Variants in LONP2 observed in about 807,000 individuals in gnomAD.
The protein encoded by LONP2 is lon protease homolog 2, peroxisomal.
In LONP2, 60 loss-of-function variants were observed where a neutral mutation model predicts 85.6. The observed-to-expected ratio is 0.70, with a 90% CI of 0.57 to 0.87. LONP2 has a LOEUF of 0.87. Ranked by LOEUF, LONP2 falls within the 40% of genes least tolerant of loss-of-function variation. LONP2 has a pLI of 0.00. For synonymous variants in LONP2, 395 were observed against 389.7 expected (o/e 1.01, Z -0.16); for missense variants, 860 against 1,063.5 (o/e 0.81, Z 2.66).
At chr16:48,301,600 A>G (rs1972806265) in intron 10 of LONP2, among the ~76,000 whole-genome samples, 1 of 151,332 alleles carries the variant, frequency 6.6e-6, no homozygotes, top group Non-Finnish European at 1.5e-5. Flanking sequence ...GTGCCACTGC[A>G]CTCCAGCCTG....
intron 6 of LONP2, among the ~76,000 whole-genome samples, chr16:48,265,222 A>G (rs1971965832): frequency 6.6e-6 from 1 of 152,166 alleles, no homozygotes; most frequent in African/African-American, 2.4e-5. Flanking sequence ...TCAGTTTGAT[A>G]TAATTTCACT....
Position 48,245,694 on chromosome 16 carries a change from C to T in LONP2, c.233+1073C>T, listed in dbSNP as rs571145852. ...TTTTGAAAAAACTTTTTGATTAATA[C>T]ATTTTATATGGATTAAATGTTGGAA... On this transcript the variant is annotated intron_variant, in intron 1 of 14. Coordinates refer to ENST00000285737, the MANE Select transcript of LONP2 (RefSeq NM_031490.5). Among the ~76,000 whole-genome samples, 7 of 152,278 alleles carry T rather than the reference C, an allele frequency of 4.6e-5. No homozygotes were observed. The South Asian group carries it at 1.0e-3, about 23-fold the overall frequency.
chr16:48,310,892 AC>A (rs1973016231), intron 11 of LONP2, among the ~76,000 whole-genome samples: 1 of 152,204 alleles, frequency 6.6e-6, no homozygotes, highest in African/African-American at 2.4e-5. Flanking sequence ...TCTGGGAAAC[AC>A]TTTATTTCTC....
chr16:48,348,016 A>T, intron 13 of LONP2, 84 bp from the exon 14 acceptor site: 2 of 1,296,400 alleles, frequency 1.5e-6, no homozygotes, highest in South Asian at 2.7e-5. Flanking sequence ...CAAAACATTC[A>T]TTTTTGTTTG....
At chr16:48,314,978 C>T (rs952984343) in intron 11 of LONP2, among the ~76,000 whole-genome samples, 2 of 152,114 alleles carry the variant, frequency 1.3e-5, no homozygotes, top group Non-Finnish European at 2.9e-5. Flanking sequence ...CAACGTTATA[C>T]CTTTTATTTA....
downstream of LONP2, among the ~76,000 whole-genome samples, chr16:48,359,045 T>G (rs1329163465): frequency 1.3e-5 from 2 of 152,196 alleles, no homozygotes; most frequent in East Asian, 3.9e-4. Context: ...TGGAGTGCAG[T>G]GATACGATCT....
intron 3 of LONP2, among the ~76,000 whole-genome samples, 188 bp from the exon 4 acceptor site, chr16:48,258,430 T>C (rs1971808211): frequency 6.6e-6 from 1 of 152,200 alleles, no homozygotes; most frequent in African/African-American, 2.4e-5. Flanking sequence ...TTTTTAAGGA[T>C]TCTGATATTC....
At chr16:48,314,931 T>C (rs1253701066) in intron 11 of LONP2, among the ~76,000 whole-genome samples, 2 of 152,240 alleles carry the variant, frequency 1.3e-5, no homozygotes, top group Non-Finnish European at 2.9e-5. Flanking sequence ...CATCCTGTAA[T>C]CACAAATGCA....
At position 48,351,569 on chromosome 16, in the gene LONP2, C is replaced by A. The variant is rs768987720; in HGVS notation, c.2338-12C>A. 6.2e-7 allele frequency: 1 copy of A among 1,604,842 alleles called. No individual in the cohort carries two copies. The highest frequency in any genetic ancestry group is 1.1e-5 in the South Asian group (1 of 90,244). On this transcript the variant is annotated splice_polypyrimidine_tract_variant and intron_variant, in intron 14 of 14. Transcript: ENST00000285737. ...GATCATTAACCCTAAAAACTTTTTT[C>A]TCTCCTTACAGGTGGGTGGAATTAA...
chr16:48,356,777 C>T lies in LONP2; in HGVS notation c.*4975C>T. ...ACTTCTAAAACAATTTTAGGAAAAG[C>T]TTTGTCATGAAAATTCATTTCTTTG... is the stretch of plus-strand genomic sequence containing the variant. On this transcript the variant is annotated 3_prime_UTR_variant, in exon 15 of 15. Coordinates refer to ENST00000285737, the MANE Select transcript of LONP2 (RefSeq NM_031490.5). 3.7e-6 allele frequency: 1 copy of T among 273,558 alleles called. No individual in the cohort carries two copies. Among genetic ancestry groups the T allele is most frequent in the South Asian group, 3.4e-5 (1 of 29,460 alleles). The allele number at this position is 273,558 out of a possible 1,614,324, so 16.9% of individuals were successfully genotyped here. A position where few individuals can be genotyped will look rare whatever the true frequency, so the allele number is the denominator to read the frequency against.
chr16:48,334,418 C>G, intron 12 of LONP2, 60 bp downstream of exon 12: 1 of 1,601,006 alleles, frequency 6.2e-7, no homozygotes, highest in Middle Eastern at 1.7e-4. Flanking sequence ...TTTATTGAGG[C>G]CCCAGGGCCG....
At chr16:48,244,657 C>T (rs1265882338) in intron 1 of LONP2, 36 bp downstream of exon 1, 5 of 1,312,668 alleles carry the variant, frequency 3.8e-6, no homozygotes, top group Non-Finnish European at 4.9e-6. Context: ...CGGCGGGCGG[C>T]GCGGCCTCCT....
chr16:48,319,183 C>T (rs555932643), intron 11 of LONP2, among the ~76,000 whole-genome samples: 27 of 152,156 alleles, frequency 1.8e-4, no homozygotes, highest in African/African-American at 5.8e-4. Flanking sequence ...AGTTCGAGAC[C>T]AGCCTGGCCA....
At position 48,348,192 on chromosome 16, in the gene LONP2, AC is replaced by A. The variant is rs1365894281; in HGVS notation, c.2241del (p.Ile748Ter). 1.2e-6 allele frequency: 2 copies of A among 1,613,328 alleles called. No individual in the cohort carries two copies. The highest frequency in any genetic ancestry group is 2.2e-5 in the East Asian group (1 of 44,848). ...VTKDGPSAGV[T>X]IVTCLASLFS... ...AAAAGATGGACCATCTGCTGGAGTTACCATAGTAACCTGTCTCGCCTCACTT... is the reference window on the plus strand; with the variant it reads ...AAAAGATGGACCATCTGCTGGAGTTACATAGTAACCTGTCTCGCCTCACTT... On this transcript the variant is annotated frameshift_variant, in exon 14 of 15. Coordinates refer to ENST00000285737, the MANE Select transcript of LONP2 (RefSeq NM_031490.5). LOFTEE classifies it high-confidence loss of function.
rs1156305237 is a variant in LONP2, at chr16:48,252,319, A to C, written c.422A>C (p.Glu141Ala). 5.6e-6 allele frequency: 9 copies of C among 1,613,428 alleles called. No homozygotes were observed. Among genetic ancestry groups the C allele is most frequent in the Non-Finnish European group, 7.6e-6 (9 of 1,179,716 alleles). Residue 141 changes from glutamate to alanine, a missense_variant, in exon 2 of 15, where the codon GAG (glutamate) becomes GCG (alanine). Glu to Ala is a moderately radical substitution (Grantham distance 107, BLOSUM62 -1). Transcript: ENST00000285737. ...TTTCCCAACACCTGTAAAATGAGGG[A>C]GGAGCTAGGAGAACTATCAGAGCAG... ...EEFPNTCKMR[E>A]ELGELSEQFY...
intron 12 of LONP2, among the ~76,000 whole-genome samples, chr16:48,340,461 A>T (rs1959778952): frequency 6.6e-6 from 1 of 152,230 alleles, no homozygotes; most frequent in South Asian, 2.1e-4. Context: ...ATATTTAATA[A>T]CCTTATACCA....
chr16:48,256,526 A>G (rs1234938825), intron 2 of LONP2, 84 bp from the exon 3 acceptor site: 1 of 1,453,236 alleles, frequency 6.9e-7, no homozygotes, highest in Non-Finnish European at 9.6e-7. Context: ...AGGCCCAAAC[A>G]TTAAACCTAG....
At chr16:48,300,089 A>G (rs1972771474) in intron 10 of LONP2, among the ~76,000 whole-genome samples, 1 of 152,252 alleles carries the variant, frequency 6.6e-6, no homozygotes, top group Non-Finnish European at 1.5e-5. Flanking sequence ...CTTTGCCACA[A>G]TAGCAATATA....
At chr16:48,322,583 GCA>G (rs2151016520) in intron 11 of LONP2, among the ~76,000 whole-genome samples, 1 of 152,232 alleles carries the variant, frequency 6.6e-6, no homozygotes, top group South Asian at 2.1e-4. Context: ...ATGATGAAAA[GCA>G]TAGTATAGTC....
Sources: allele counts gnomAD v4.1 joint callset (sites outside exome capture counted in the v4.1 genomes callset), GRCh38; gene constraint gnomAD v4.1.1; transcripts MANE v1.5; gene names NCBI Gene and HGNC (gene_info 2026-07-23, HGNC 2026-07-21).